The following CEP83 variants were observed in gnomAD, a reference collection of about 807,000 sequenced individuals.
The protein encoded by CEP83 is centrosomal protein 83.
Under a neutral mutation model 101.9 loss-of-function variants are expected in CEP83, and 70 were observed. The observed-to-expected ratio is 0.69, with a 90% CI of 0.57 to 0.84. The LOEUF is 0.84. Among genes scored for constraint, CEP83 ranks in the 40% least tolerant of loss-of-function variants. The probability of loss-of-function intolerance (pLI) is 0.00; values close to 1 mark genes in which losing one functional copy is unlikely to be tolerated. For synonymous variants in CEP83, 264 were observed against 267.9 expected (o/e 0.99, Z 0.14); for missense variants, 715 against 787.2 (o/e 0.91, Z 1.10).
At chr12:94,271,055 T>C in the CEP83 span, among the ~76,000 whole-genome samples, 2 of 152,226 alleles carry the variant, frequency 1.3e-5, no homozygotes, top group African/African-American at 2.4e-5. Context: ...TCTACGGAAC[T>C]TCTGAAACTG....
intron 11 of CEP83, among the ~76,000 whole-genome samples, chr12:94,365,743 C>CT (rs2060989914): frequency 6.8e-6 from 1 of 147,024 alleles, no homozygotes; most frequent in African/African-American, 2.5e-5. Flanking sequence ...GCCCTCCAGC[C>CT]TGGGCAACAG....
chr12:94,411,427 T>C (rs963654539), intron 4 of CEP83, among the ~76,000 whole-genome samples: 1 of 152,158 alleles, frequency 6.6e-6, no homozygotes, highest in Admixed American at 6.5e-5. Context: ...AACTCACTTT[T>C]TCCCTAATTA....
At chr12:94,315,151 T>C (rs945598780) in intron 14 of CEP83, among the ~76,000 whole-genome samples, 2 of 152,228 alleles carry the variant, frequency 1.3e-5, no homozygotes, top group Non-Finnish European at 2.9e-5. Flanking sequence ...TTAGCTTTAG[T>C]AGATACTGCC....
the CEP83 span, among the ~76,000 whole-genome samples, chr12:94,274,422 C>G: frequency 6.6e-6 from 1 of 152,192 alleles, no homozygotes; most frequent in African/African-American, 2.4e-5. Context: ...AAGGGAGTTG[C>G]TGCTGATCAT....
chr12:94,407,757 T>A (rs1227020358), intron 4 of CEP83, among the ~76,000 whole-genome samples: 1 of 152,218 alleles, frequency 6.6e-6, no homozygotes, highest in Non-Finnish European at 1.5e-5. Context: ...ACCGACTGAA[T>A]TAGAGGATTT....
downstream of CEP83, chr12:94,303,715 T>TAAA: frequency 1.8e-6 from 2 of 1,085,264 alleles, no homozygotes; most frequent in Non-Finnish European, 2.5e-6. Context: ...TTTTTTTTAC[T>TAAA]CTTTTGGTGA....
Position 94,446,551 on chromosome 12 carries a change from T to C in CEP83, c.-154-11224A>G, listed in dbSNP as rs556735822. 9.9e-5 allele frequency among the ~76,000 whole-genome samples: 15 copies of C among 151,882 alleles called. No individual in the cohort carries two copies. In the East Asian group the frequency reaches 2.9e-3, roughly 29 times the overall value. ...GGTGAAACCCCATCTCTACTAAAAT[T>C]ACAAAAATTAGCCGGGTGTGGTGGT... On this transcript the variant is annotated intron_variant, in intron 1 of 16. Transcript: ENST00000397809.
chr12:94,430,538 C>T (rs2065541518), intron 2 of CEP83, among the ~76,000 whole-genome samples: 1 of 151,386 alleles, frequency 6.6e-6, no homozygotes, highest in African/African-American at 2.4e-5. Flanking sequence ...AATCTCAGAA[C>T]CTGAAGATAG....
chr12:94,283,578 C>T, the CEP83 span, among the ~76,000 whole-genome samples: 1 of 152,182 alleles, frequency 6.6e-6, no homozygotes, highest in Non-Finnish European at 1.5e-5. Flanking sequence ...TTACTCAAAT[C>T]AGTCTCCCTG....
chr12:94,268,459 G>A, the CEP83 span, among the ~76,000 whole-genome samples: 1 of 152,098 alleles, frequency 6.6e-6, no homozygotes, highest in African/African-American at 2.4e-5. Flanking sequence ...AGGCAACAGT[G>A]AGACAGAATG....
intron 1 of CEP83, among the ~76,000 whole-genome samples, chr12:94,447,840 C>T (rs1266695596): frequency 6.6e-6 from 1 of 151,334 alleles, no homozygotes; most frequent in African/African-American, 2.4e-5. Flanking sequence ...AAGAAATCAA[C>T]AGAAATAAAA....
At chr12:94,342,291 A>C (rs2059718278) in intron 11 of CEP83, among the ~76,000 whole-genome samples, 1 of 152,252 alleles carries the variant, frequency 6.6e-6, no homozygotes, top group Non-Finnish European at 1.5e-5. Flanking sequence ...TAGAGACGTC[A>C]CTAAGATATT....
At chr12:94,421,667 T>C (rs976919737) in intron 2 of CEP83, among the ~76,000 whole-genome samples, 1 of 152,246 alleles carries the variant, frequency 6.6e-6, no homozygotes, top group Non-Finnish European at 1.5e-5. Flanking sequence ...AAACTCATTG[T>C]TAAGTAATTT....
chr12:94,458,471 GC>G (rs2067866396), intron 1 of CEP83, among the ~76,000 whole-genome samples: 1 of 152,120 alleles, frequency 6.6e-6, no homozygotes, highest in Admixed American at 6.5e-5. Flanking sequence ...TGGTGCGGTG[GC>G]TCACACCTGT....
At chr12:94,309,824 C>T in intron 16 of CEP83, 94 bp downstream of exon 16, 1 of 789,134 alleles carries the variant, frequency 1.3e-6, no homozygotes, top group Non-Finnish European at 1.9e-6. Flanking sequence ...GAGCACTGAC[C>T]AAAGTTATAA....
chr12:94,282,298 A>G, the CEP83 span: 1 of 1,607,628 alleles, frequency 6.2e-7, no homozygotes, highest in Non-Finnish European at 8.5e-7. Flanking sequence ...TCTTTTTCAG[A>G]GCTTCAAATG....
intron 1 of CEP83, among the ~76,000 whole-genome samples, chr12:94,453,190 T>G (rs1275906464): frequency 1.3e-5 from 2 of 152,170 alleles, no homozygotes; most frequent in Non-Finnish European, 2.9e-5. Context: ...TACATGCTGG[T>G]GTTCACAAGC....
intron 6 of CEP83, among the ~76,000 whole-genome samples, chr12:94,397,039 A>C (rs1314792360): frequency 6.6e-6 from 1 of 152,220 alleles, no homozygotes; most frequent in East Asian, 1.9e-4. Context: ...GATTGAACAA[A>C]AGTAAATCCA....
chr12:94,367,654 T>C (rs1462792122), intron 11 of CEP83, 140 bp downstream of exon 11: 2 of 459,256 alleles, frequency 4.4e-6, no homozygotes, highest in African/African-American at 2.0e-5. Flanking sequence ...TTGATTATTA[T>C]AATATGGTTA....
Sources: allele counts gnomAD v4.1 joint callset (sites outside exome capture counted in the v4.1 genomes callset), GRCh38; gene constraint gnomAD v4.1.1; transcripts MANE v1.5; gene names NCBI Gene and HGNC (gene_info 2026-07-23, HGNC 2026-07-21).